Variants in SHB observed in about 807,000 individuals in gnomAD.
SHB encodes SH2 domain-containing adapter protein B.
A neutral mutation model predicts 52.3 loss-of-function variants in SHB; 20 were observed. The observed-to-expected ratio is 0.38, with a 90% confidence interval of 0.27 to 0.56. The LOEUF is 0.56. SHB is among the 20% of genes least tolerant of loss of function. The probability of loss-of-function intolerance (pLI) is 0.71; values close to 1 mark genes in which losing one functional copy is unlikely to be tolerated. For synonymous variants in SHB, 397 were observed against 316.5 expected (o/e 1.25, Z -2.70); for missense variants, 825 against 723.3 (o/e 1.14, Z -1.61).
intron 4 of SHB, among the ~76,000 whole-genome samples, chr9:37,952,274 C>A (rs1000173384): frequency 5.3e-5 from 8 of 152,120 alleles, no homozygotes; most frequent in African/African-American, 1.9e-4. Context: ...GCAGGGGAGG[C>A]CCCTGAGGAG....
chr9:37,948,383 A>C (rs1832518776), intron 5 of SHB, among the ~76,000 whole-genome samples: 1 of 152,248 alleles, frequency 6.6e-6, no homozygotes, highest in Admixed American at 6.5e-5. Flanking sequence ...CAGATGTGAA[A>C]GCTTTCTTGG....
intron 1 of SHB, among the ~76,000 whole-genome samples, chr9:38,026,861 C>T (rs1163737693): frequency 6.6e-6 from 1 of 152,240 alleles, no homozygotes; most frequent in Non-Finnish European, 1.5e-5. Context: ...CACCTCGTGC[C>T]TCCACGTGCC....
chr9:38,008,821 G>C (rs567637309), intron 2 of SHB, among the ~76,000 whole-genome samples: 2 of 152,374 alleles, frequency 1.3e-5, no homozygotes, highest in East Asian at 3.9e-4. Context: ...GAGAGGGTGA[G>C]AGGCAGCAGG....
chr9:38,004,119 G>C (rs989682807), intron 2 of SHB, among the ~76,000 whole-genome samples: 2 of 152,290 alleles, frequency 1.3e-5, no homozygotes, highest in East Asian at 3.9e-4. Flanking sequence ...CAGCTGTTGC[G>C]GAAGCCTCTG....
intron 1 of SHB, among the ~76,000 whole-genome samples, chr9:38,054,634 T>C (rs375460363): frequency 1.2e-4 from 19 of 152,354 alleles, no homozygotes; most frequent in Admixed American, 4.6e-4. Flanking sequence ...GGCAGTGTTA[T>C]AGCCTGCAGC....
intron 2 of SHB, among the ~76,000 whole-genome samples, chr9:37,977,245 T>C (rs984880422): frequency 7.2e-5 from 11 of 152,082 alleles, no homozygotes; most frequent in Admixed American, 2.6e-4. Flanking sequence ...ACCAGCAAGG[T>C]AGGTGCTGAT....
Position 37,982,976 on chromosome 9 carries a change from C to CCCA in SHB, c.839-8140_839-8139insTGG, listed in dbSNP as rs1554702675. Among the ~76,000 whole-genome samples the CCCA allele has an allele frequency of 1.6e-4, 24 of 150,868 alleles. 1 individual carries two copies. The highest frequency in any genetic ancestry group is 8.5e-4 in the South Asian group (4 of 4,728). On this transcript the variant is annotated intron_variant, in intron 2 of 5. Coordinates refer to ENST00000377707, the MANE Select transcript of SHB (RefSeq NM_003028.3). ...GAAATCAGCAGGCCTCTCTGGTGCC[C>CCCA]CCCCCTCCATCTTTTCCAGCTGTGC...
In SHB at chr9:37,917,035, A is replaced by AT. The variant is rs1337980998; in HGVS notation, c.*2785dup. On this transcript the variant is annotated 3_prime_UTR_variant, in exon 6 of 6. Coordinates refer to ENST00000377707, the MANE Select transcript of SHB (RefSeq NM_003028.3). The stretch of plus-strand genomic sequence containing the variant: ...TTTTTCCCCAATTAATTGGCAGCAG[A>AT]TGAAAAAAAAAAAAAACAAACCCAA... Among the ~76,000 whole-genome samples, 2 of 148,968 alleles carry AT rather than the reference A, an allele frequency of 1.3e-5. No individual in the cohort carries two copies. The highest frequency in any genetic ancestry group is 3.0e-5 in the Non-Finnish European group (2 of 67,688).
chr9:37,948,323 TGA>T (rs567077780), intron 5 of SHB, among the ~76,000 whole-genome samples: 203 of 152,292 alleles, frequency 1.3e-3, no homozygotes, highest in African/African-American at 4.6e-3. Context: ...TCGTGGGCTT[TGA>T]GAGCAGGATG....
At chr9:38,034,057 C>T (rs1284090376) in intron 1 of SHB, among the ~76,000 whole-genome samples, 3 of 152,164 alleles carry the variant, frequency 2.0e-5, no homozygotes, top group Non-Finnish European at 2.9e-5. Context: ...CCTGGCCCAG[C>T]GATGTCATAA....
chr9:37,959,638 A>G (rs573249315), intron 3 of SHB, among the ~76,000 whole-genome samples: 1 of 152,222 alleles, frequency 6.6e-6, no homozygotes, highest in African/African-American at 2.4e-5. Context: ...TGGAGCACAG[A>G]ACATGATTGT....
chr9:38,047,761 C>A (rs1277004115), intron 1 of SHB, among the ~76,000 whole-genome samples: 3 of 152,248 alleles, frequency 2.0e-5, no homozygotes, highest in Non-Finnish European at 4.4e-5. Flanking sequence ...TTTCTCCTTT[C>A]ATGGAATAGC....
At chr9:38,002,610 C>T (rs980321040) in intron 2 of SHB, among the ~76,000 whole-genome samples, 3 of 152,224 alleles carry the variant, frequency 2.0e-5, no homozygotes, top group Non-Finnish European at 4.4e-5. Flanking sequence ...ACACCCTCCT[C>T]ACCCTAGCCC....
At chr9:38,032,516 C>A (rs1011731056) in intron 1 of SHB, among the ~76,000 whole-genome samples, 4 of 152,220 alleles carry the variant, frequency 2.6e-5, no homozygotes, top group African/African-American at 9.6e-5. Context: ...GCAAAGGCCA[C>A]CTGACAACTC....
chr9:37,951,129 A>G (rs75268030), intron 4 of SHB, among the ~76,000 whole-genome samples: 10 of 152,332 alleles, frequency 6.6e-5, no homozygotes, highest in Non-Finnish European at 1.2e-4. Flanking sequence ...AATCAACTTT[A>G]AAGTCAAGGA....
intron 2 of SHB, among the ~76,000 whole-genome samples, chr9:37,995,756 G>A (rs994728600): frequency 2.0e-5 from 3 of 152,198 alleles, no homozygotes; most frequent in African/African-American, 7.2e-5. Flanking sequence ...ACCTGCAGGG[G>A]CCTCATTCCA....
At chr9:37,999,901 T>C (rs1186315322) in intron 2 of SHB, among the ~76,000 whole-genome samples, 1 of 152,222 alleles carries the variant, frequency 6.6e-6, no homozygotes, top group African/African-American at 2.4e-5. Context: ...CTCATGACTC[T>C]CTCCACTAGT....
chr9:37,926,078 C>T (rs1227481713), intron 5 of SHB, among the ~76,000 whole-genome samples: 1 of 152,136 alleles, frequency 6.6e-6, no homozygotes, highest in Admixed American at 6.5e-5. Flanking sequence ...GGGAGTCAGG[C>T]CCAGCTCTAA....
At position 37,994,182 on chromosome 9, in the gene SHB, A is replaced by C. The variant is rs1342799617; in HGVS notation, c.839-19345T>G. On this transcript the variant is annotated intron_variant, in intron 2 of 5. Transcript: ENST00000377707. ...CTGCAATGTGAGAGAGTAGAAAGTG[A>C]CCATGAGATCTGGAATGGACTCTCA... Among the ~76,000 whole-genome samples, 4 of 152,208 alleles carry C rather than the reference A, an allele frequency of 2.6e-5. No homozygotes were observed. The East Asian group carries it at 7.7e-4, about 29-fold the overall frequency.
Sources: gnomAD v4.1 joint callset for allele counts (sites outside exome capture counted in the v4.1 genomes callset) on GRCh38, gnomAD v4.1.1 for gene constraint, MANE v1.5 for transcripts, NCBI Gene and HGNC (gene_info 2026-07-23, HGNC 2026-07-21) for gene names.